The following WDR64 variants were observed in gnomAD, a reference collection of about 807,000 sequenced individuals.
WDR64 encodes the protein WD repeat domain 64.
In WDR64, 112 loss-of-function variants were observed where a neutral mutation model predicts 139.3. The ratio of observed to expected loss-of-function variants is 0.80; its 90% CI spans 0.69 to 0.94. The LOEUF is 0.94. WDR64 is among the 40% of genes least tolerant of loss of function. WDR64 has a pLI of 0.00. For missense variants in WDR64, 1,206 were observed against 1,293.1 expected (o/e 0.93, Z 1.03); for synonymous variants, 444 against 437.7 (o/e 1.01, Z -0.18).
At chr1:241,721,244 G>A (rs918901049) in intron 9 of WDR64, among the ~76,000 whole-genome samples, 7 of 152,124 alleles carry the variant, frequency 4.6e-5, no homozygotes, top group African/African-American at 1.4e-4. Flanking sequence ...CGTCAGCTTC[G>A]TTCTTTTTGC....
chr1:241,798,466 T>G (rs1382807896), intron 27 of WDR64, among the ~76,000 whole-genome samples: 2 of 152,202 alleles, frequency 1.3e-5, no homozygotes, highest in African/African-American at 4.8e-5. Flanking sequence ...GTTAACTGTC[T>G]ACAATTTTAG....
In WDR64 at chr1:241,679,545, A is replaced by G. The variant is rs1666691800; in HGVS notation, c.574A>G (p.Thr192Ala). 6.4e-7 allele frequency: 1 copy of G among 1,551,782 alleles called. No individual in the cohort carries two copies. ...GCAGCTGAAACGAATCGTAGCCACA[A>G]CCGAAAGGACCATTATTGTCTGGGA... is the stretch of plus-strand genomic sequence containing the variant. ...LLQLKRIVAT[T>A]ERTIIVWDYK... is the part of the protein sequence containing the mutation. The change falls in exon 6 of 28, where the codon ACC becomes GCC. Residue 192 changes from threonine to alanine, a missense_variant. By Grantham distance (58) the Thr-to-Ala change is moderately conservative. Coordinates refer to ENST00000437684, the MANE Select transcript of WDR64 (RefSeq NM_001367482.1).
chr1:241,788,600 T>C (rs974867674), intron 24 of WDR64, among the ~76,000 whole-genome samples: 10 of 152,126 alleles, frequency 6.6e-5, no homozygotes, highest in African/African-American at 2.4e-4. Context: ...AAAAGTAAAG[T>C]CCTTCAGGGA....
intron 4 of WDR64, 66 bp downstream of exon 4, chr1:241,674,813 G>A: frequency 1.0e-6 from 1 of 959,868 alleles, no homozygotes; most frequent in East Asian, 2.9e-5. Flanking sequence ...TTAAAAGCTT[G>A]GATTTCTCCC....
chr1:241,684,225 G>T (rs1666923776), intron 7 of WDR64, among the ~76,000 whole-genome samples: 1 of 152,124 alleles, frequency 6.6e-6, no homozygotes, highest in Non-Finnish European at 1.5e-5. Context: ...CAGACAATGG[G>T]TTGATATTTT....
intron 14 of WDR64, among the ~76,000 whole-genome samples, chr1:241,754,634 A>G (rs962005496): frequency 2.0e-5 from 3 of 151,980 alleles, no homozygotes; most frequent in Non-Finnish European, 4.4e-5. Flanking sequence ...GGTTTGTTAC[A>G]CAGGTATACA....
chr1:241,720,586 C>G lies in WDR64; in HGVS notation c.1055-2711C>G, dbSNP rs1216065014. 7.9e-5 allele frequency among the ~76,000 whole-genome samples: 12 copies of G among 152,212 alleles called. No individual in the cohort carries two copies. In the East Asian group the frequency reaches 1.9e-3, roughly 24 times the overall value. On this transcript the variant is annotated intron_variant, in intron 9 of 27. Transcript: ENST00000437684. ...TGAGTTTTTTTAATATGTTTTTTGGCCGCATAAATGTCTTCTTTTCAGGAG... is the reference window on the plus strand; with the variant it reads ...TGAGTTTTTTTAATATGTTTTTTGGGCGCATAAATGTCTTCTTTTCAGGAG...
rs191072241 is a variant in WDR64 at position 241,707,640 on chromosome 1, T to C, written c.975-4162T>C. Reference sequence around the variant, plus strand: ...GATGAATTATGAGAGTGCTTATTCATGTATGTCTACCCCAACCAGGGACCA... The same window carrying C: ...GATGAATTATGAGAGTGCTTATTCACGTATGTCTACCCCAACCAGGGACCA... On this transcript the variant is annotated intron_variant, in intron 8 of 27. Coordinates refer to ENST00000437684, the MANE Select transcript of WDR64 (RefSeq NM_001367482.1). 3.9e-4 allele frequency among the ~76,000 whole-genome samples: 59 copies of C among 152,256 alleles called. No individual in the cohort carries two copies. In the East Asian group the frequency reaches 0.011, roughly 29 times the overall value.
At chr1:241,697,702 T>A (rs893445106) in intron 8 of WDR64, among the ~76,000 whole-genome samples, 1 of 152,222 alleles carries the variant, frequency 6.6e-6, no homozygotes, top group African/African-American at 2.4e-5. Flanking sequence ...CTTCTTATTT[T>A]AACTTCCGAG....
At chr1:241,775,603 A>C (rs190799836) in intron 21 of WDR64, among the ~76,000 whole-genome samples, 2 of 152,290 alleles carry the variant, frequency 1.3e-5, no homozygotes, top group South Asian at 2.1e-4. Context: ...ATTTTTTCTC[A>C]GTAGGGGACT....
At chr1:241,746,517 T>C (rs189536813) in intron 13 of WDR64, among the ~76,000 whole-genome samples, 11 of 148,030 alleles carry the variant, frequency 7.4e-5, no homozygotes, top group African/African-American at 2.9e-4. Context: ...ATAGAGTGGG[T>C]GGTGTTTTAA....
At chr1:241,796,782 C>T (rs1053196199) in intron 27 of WDR64, among the ~76,000 whole-genome samples, 8 of 152,346 alleles carry the variant, frequency 5.3e-5, no homozygotes, top group Non-Finnish European at 1.0e-4. Flanking sequence ...GCATAAGCCA[C>T]TGTGCCCGGC....
At chr1:241,713,273 T>C (rs1013835999) in intron 9 of WDR64, among the ~76,000 whole-genome samples, 10 of 143,280 alleles carry the variant, frequency 7.0e-5, no homozygotes, top group African/African-American at 2.4e-4. Context: ...ACTGTGCCAC[T>C]GCACTCCATC....
At chr1:241,705,127 A>G (rs1330801807) in intron 8 of WDR64, among the ~76,000 whole-genome samples, 3 of 152,226 alleles carry the variant, frequency 2.0e-5, no homozygotes, top group Admixed American at 6.5e-5. Flanking sequence ...CTAGCTCCCC[A>G]GTAGCTAGTT....
chr1:241,653,451 T>C (rs1015844409), intron 1 of WDR64, among the ~76,000 whole-genome samples: 5 of 152,168 alleles, frequency 3.3e-5, no homozygotes, highest in Non-Finnish European at 7.4e-5. Flanking sequence ...GTCATGTTAA[T>C]CAATGTCATT....
intron 27 of WDR64, among the ~76,000 whole-genome samples, chr1:241,797,737 T>C (rs1329861324): frequency 6.6e-6 from 1 of 152,112 alleles, no homozygotes; most frequent in African/African-American, 2.4e-5. Context: ...TTGTTTTATG[T>C]AACTGATGAA....
At chr1:241,735,533 C>CCCTTTTTTTTTTT (rs1237771842) in intron 10 of WDR64, among the ~76,000 whole-genome samples, 4,457 of 103,288 alleles carry the variant, frequency 0.043, 317 homozygotes, top group East Asian at 0.18. Context: ...CTCTCTCTCT[C>CCCTTTTTTTTTTT]TTTTTTTTTT....
In WDR64 at chr1:241,738,303, A is replaced by G. The variant is rs548820357; in HGVS notation, c.1195-60A>G. The G allele has an allele frequency of 1.6e-5, 25 of 1,561,706 alleles. No individual in the cohort carries two copies. In the South Asian group the frequency reaches 3.1e-4, roughly 19 times the overall value. The stretch of plus-strand genomic sequence containing the variant: ...TTCAAACTGAAAATGCTTCACCTAA[A>G]TATCTTGGGTGAGAAAGGTGAGTAT... On this transcript the variant is annotated intron_variant, in intron 10 of 27. Coordinates refer to ENST00000437684, the MANE Select transcript of WDR64 (RefSeq NM_001367482.1).
intron 8 of WDR64, among the ~76,000 whole-genome samples, chr1:241,702,873 G>A (rs988468406): frequency 5.3e-5 from 8 of 152,160 alleles, no homozygotes; most frequent in Non-Finnish European, 5.9e-5. Flanking sequence ...TGGCAGAGTT[G>A]AGTAGTTCTG....
Sources: gnomAD v4.1 joint callset for allele counts (sites outside exome capture counted in the v4.1 genomes callset) on GRCh38, gnomAD v4.1.1 for gene constraint, MANE v1.5 for transcripts, NCBI Gene and HGNC (gene_info 2026-07-23, HGNC 2026-07-21) for gene names.